ZNF507: variants seen among roughly 807,000 people sequenced by gnomAD.
ZNF507 encodes zinc finger protein 507.
In ZNF507, 29 loss-of-function variants were observed where a neutral mutation model predicts 80.0. The ratio of observed to expected loss-of-function variants is 0.36; its 90% confidence interval spans 0.27 to 0.49. The LOEUF (loss-of-function observed/expected upper bound fraction) is 0.49. Ranked by LOEUF, ZNF507 falls within the 20% of genes least tolerant of loss-of-function variation. ZNF507 has a pLI of 0.98. For missense variants in ZNF507, 1,081 were observed against 1,152.2 expected, an observed-to-expected ratio of 0.94 and a Z score of 0.90; for synonymous variants, 462 against 422.5, an observed-to-expected ratio of 1.09 and a Z score of -1.15.
At chr19:32,380,577 G>T in intron 5 of ZNF507, 1 of 1,534,910 alleles carries the variant, frequency 6.5e-7, no homozygotes, top group Non-Finnish European at 8.7e-7. Flanking sequence ...TTTGTGCCTC[G>T]TTATTGCTGA....
chr19:32,369,554 T>G (rs1312368843), intron 5 of ZNF507, among the ~76,000 whole-genome samples: 1 of 152,202 alleles, frequency 6.6e-6, no homozygotes, highest in Non-Finnish European at 1.5e-5. Flanking sequence ...GAAATATGAT[T>G]GTTGCTGGTC....
At chr19:32,362,411 C>G (rs570970400) in intron 5 of ZNF507, among the ~76,000 whole-genome samples, 35 of 152,170 alleles carry the variant, frequency 2.3e-4, no homozygotes, top group Non-Finnish European at 2.4e-4. Context: ...ATTGTTCTTT[C>G]ATTCATGGAG....
intron 2 of ZNF507, among the ~76,000 whole-genome samples, chr19:32,352,546 G>C (rs975421245): frequency 6.6e-6 from 1 of 150,520 alleles, no homozygotes; most frequent in African/African-American, 2.4e-5. Flanking sequence ...TGAAGGCAAA[G>C]AAAGTGAAGA....
Position 32,383,338 on chromosome 19 carries a change from C to A in ZNF507, c.*255C>A. On this transcript the variant is annotated 3_prime_UTR_variant, in exon 7 of 7. Transcript: ENST00000355898. ...AGAGGTGTAATCCTGTATTAACCCT[C>A]TGTCACCCCTTCTTAGTGTCGAGTG... 1 of 428,550 alleles carries A rather than the reference C, an allele frequency of 2.3e-6. No individual in the cohort carries two copies. Among genetic ancestry groups the A allele is most frequent in the Non-Finnish European group, 4.2e-6 (1 of 236,076 alleles). 26.5% of individuals were successfully genotyped at this position (428,550 alleles called of 1,614,324 possible).
At chr19:32,361,668 TCCTTCCTTC>T (rs1295570465) in intron 5 of ZNF507, among the ~76,000 whole-genome samples, 2 of 148,188 alleles carry the variant, frequency 1.3e-5, no homozygotes. Flanking sequence ...CTTCTTTTCT[TCCTTCCTTC>T]CTTTCCTTCC....
At chr19:32,372,722 C>G (rs948057623) in intron 5 of ZNF507, among the ~76,000 whole-genome samples, 1 of 152,062 alleles carries the variant, frequency 6.6e-6, no homozygotes, top group Non-Finnish European at 1.5e-5. Context: ...CACCCACCAC[C>G]GAGAGAAAAA....
At position 32,347,358 on chromosome 19, in the gene ZNF507, C is replaced by T. The variant is rs1471357768; in HGVS notation, c.-3+20C>T. 1 of 152,426 alleles carries T rather than the reference C, an allele frequency of 6.6e-6. No homozygotes were observed. Among genetic ancestry groups the T allele is most frequent in the Admixed American group, 6.5e-5 (1 of 15,286 alleles). 9.4% of individuals were successfully genotyped at this position (152,426 alleles called of 1,614,324 possible). On this transcript the variant is annotated intron_variant, in intron 2 of 6. Coordinates refer to ENST00000355898, the MANE Select transcript of ZNF507 (RefSeq NM_001136156.2). The stretch of plus-strand genomic sequence containing the variant: ...CCTTGGGTAAGTCACTTAAACCACA[C>T]TGAGTGTTTCCTTATTTATAAGACT...
Position 32,386,379 on chromosome 19 carries a change from T to C in ZNF507, c.*3296T>C, listed in dbSNP as rs1295433225. The C allele has an allele frequency of 6.6e-6, 1 of 152,660 alleles. No individual in the cohort carries two copies. Among genetic ancestry groups the C allele is most frequent in the Non-Finnish European group, 1.5e-5 (1 of 68,046 alleles). 9.5% of individuals were successfully genotyped at this position (152,660 alleles called of 1,614,324 possible). On this transcript the variant is annotated 3_prime_UTR_variant, in exon 7 of 7. Transcript: ENST00000355898. The stretch of plus-strand genomic sequence containing the variant: ...TGTGTTTTTAGTTTTCATAGACACT[T>C]ATTTAATCTTTTTAAATTGTACAGC...
At chr19:32,376,633 G>A (rs2145340528) in intron 5 of ZNF507, among the ~76,000 whole-genome samples, 1 of 152,306 alleles carries the variant, frequency 6.6e-6, no homozygotes, top group African/African-American at 2.4e-5. Context: ...CATGATCGGT[G>A]GGTTTTTCTC....
chr19:32,378,738 A>G (rs1220629217), intron 5 of ZNF507, among the ~76,000 whole-genome samples: 1 of 152,022 alleles, frequency 6.6e-6, no homozygotes, highest in Non-Finnish European at 1.5e-5. Context: ...TATAGGATCA[A>G]TTTGAGATTT....
intron 2 of ZNF507, 108 bp from the exon 3 acceptor site, chr19:32,352,721 A>C (rs1967185693): frequency 7.2e-6 from 7 of 970,524 alleles, no homozygotes; most frequent in Non-Finnish European, 8.9e-6. Context: ...AGCTTAGAAA[A>C]TACTTAGATG....
intron 5 of ZNF507, among the ~76,000 whole-genome samples, chr19:32,377,395 A>G (rs1967564771): frequency 6.6e-6 from 1 of 152,100 alleles, no homozygotes; most frequent in African/African-American, 2.4e-5. Flanking sequence ...TCCTATCTCT[A>G]TATGGCCTGG....
intron 5 of ZNF507, among the ~76,000 whole-genome samples, chr19:32,366,311 AAC>A (rs1278740937): frequency 6.6e-6 from 1 of 152,252 alleles, no homozygotes; most frequent in African/African-American, 2.4e-5. Flanking sequence ...TCATGCTTGT[AAC>A]ACAAACCATT....
Position 32,351,533 on chromosome 19 carries a change from C to CGGGGGGGCG in ZNF507, c.-2-1293_-2-1292insGGGGCGGGG, listed in dbSNP as rs368340292. Among the ~76,000 whole-genome samples, 3 of 16,980 alleles carry CGGGGGGGCG rather than the reference C, an allele frequency of 1.8e-4. 1 individual carries two copies. In the Admixed American group the frequency reaches 2.9e-3, roughly 16 times the overall value. The allele number at this position is 16,980 out of a possible 152,430, so 11.1% of individuals were successfully genotyped here. A position where few individuals can be genotyped will look rare whatever the true frequency, so the allele number is the denominator to read the frequency against. On this transcript the variant is annotated intron_variant, in intron 2 of 6. Coordinates refer to ENST00000355898, the MANE Select transcript of ZNF507 (RefSeq NM_001136156.2). ...TATGTGTGTGTGTGTGGCGTGGGGG[C>CGGGGGGGCG]GGGCGGGGCCTGGCAGGACATTAGG...
At chr19:32,363,540 C>T (rs1201108330) in intron 5 of ZNF507, among the ~76,000 whole-genome samples, 2 of 152,116 alleles carry the variant, frequency 1.3e-5, no homozygotes, top group Non-Finnish European at 2.9e-5. Flanking sequence ...CTGAGCTCTC[C>T]CACTTGTGAG....
chr19:32,381,561 G>T (rs1967622668), intron 5 of ZNF507, among the ~76,000 whole-genome samples: 1 of 151,910 alleles, frequency 6.6e-6, no homozygotes, highest in South Asian at 2.1e-4. Flanking sequence ...GATCACGACA[G>T]AGCAAGACTG....
chr19:32,377,867 G>A (rs757239600), intron 5 of ZNF507, among the ~76,000 whole-genome samples: 2 of 152,170 alleles, frequency 1.3e-5, no homozygotes, highest in Non-Finnish European at 2.9e-5. Flanking sequence ...CCTCAGCCAG[G>A]GGAGGAAGGT....
At chr19:32,357,981 T>TA (rs1405514845) in intron 4 of ZNF507, 1 of 152,216 alleles carries the variant, frequency 6.6e-6, no homozygotes, top group African/African-American at 2.4e-5. Context: ...ATAAAAAGAT[T>TA]AAAGTGTCAG....
Position 32,386,840 on chromosome 19 carries a change from T to C in ZNF507, c.*3757T>C, listed in dbSNP as rs1219070141. 6.6e-6 allele frequency: 1 copy of C among 152,624 alleles called. No individual in the cohort carries two copies. The highest frequency in any genetic ancestry group is 1.5e-5 in the Non-Finnish European group (1 of 68,020). The allele number at this position is 152,624 out of a possible 1,614,324, so 9.5% of individuals were successfully genotyped here. A position where few individuals can be genotyped will look rare whatever the true frequency, so the allele number is the denominator to read the frequency against. The stretch of plus-strand genomic sequence containing the variant: ...ATATTGTATTTTGGTAATAAATTTT[T>C]TGTTAAAAAAAACTTGGCTCCAAGT... On this transcript the variant is annotated 3_prime_UTR_variant, in exon 7 of 7. Coordinates refer to ENST00000355898, the MANE Select transcript of ZNF507 (RefSeq NM_001136156.2).
Sources: gnomAD v4.1 joint callset for allele counts (sites outside exome capture counted in the v4.1 genomes callset) on GRCh38, gnomAD v4.1.1 for gene constraint, MANE v1.5 for transcripts, NCBI Gene and HGNC (gene_info 2026-07-23, HGNC 2026-07-21) for gene names.